AFF2: variants seen among roughly 807,000 people sequenced by gnomAD.
AFF2 encodes ALF transcription elongation factor 2.
A neutral mutation model predicts 76.9 loss-of-function variants in AFF2; 14 were observed. The observed-to-expected ratio is 0.18, with a 90% CI of 0.12 to 0.28. The LOEUF (loss-of-function observed/expected upper bound fraction) is 0.28, where lower values mean the gene tolerates loss of function less well. AFF2 is among the 10% of genes least tolerant of loss of function. The pLI is 1.00. For synonymous variants in AFF2, 398 were observed against 366.7 expected, an observed-to-expected ratio of 1.09 and a Z score of -0.98; for missense variants, 868 against 1,001.1, an observed-to-expected ratio of 0.87 and a Z score of 1.79.
chrX:148,614,631 T>TTC (rs1193082722), intron 1 of AFF2, among the ~76,000 whole-genome samples: 2 of 106,610 alleles, frequency 1.9e-5, no homozygotes, highest in Non-Finnish European at 3.9e-5. Flanking sequence ...CTTTCTTTCT[T>TTC]TCTCTCTCTC....
chrX:148,712,227 T>C (rs1303254683), intron 3 of AFF2, among the ~76,000 whole-genome samples: 4 of 111,983 alleles, frequency 3.6e-5, no homozygotes, highest in Admixed American at 1.9e-4. Flanking sequence ...TTTGGAAGTA[T>C]AGAATCTATG....
At chrX:148,565,976 C>T (rs1557241587) in intron 1 of AFF2, among the ~76,000 whole-genome samples, 1 of 110,728 alleles carries the variant, frequency 9.0e-6, no homozygotes, top group East Asian at 2.8e-4. Flanking sequence ...TAAATATGTG[C>T]GTGTATAGTT....
intron 3 of AFF2, among the ~76,000 whole-genome samples, chrX:148,732,834 A>C (rs1473044726): frequency 9.0e-6 from 1 of 110,941 alleles, no homozygotes; most frequent in African/African-American, 3.3e-5. Context: ...TTTATGAGCA[A>C]AAGGCCCATA....
chrX:148,932,624 A>G (rs1366467203), intron 9 of AFF2, among the ~76,000 whole-genome samples: 1 of 111,875 alleles, frequency 8.9e-6, no homozygotes, highest in Non-Finnish European at 1.9e-5. Context: ...CATTATTCCT[A>G]TCTCTTCAAA....
intron 3 of AFF2, among the ~76,000 whole-genome samples, chrX:148,678,176 G>T (rs1307093743): frequency 8.9e-6 from 1 of 111,901 alleles, no homozygotes; most frequent in Admixed American, 9.5e-5. Flanking sequence ...GAGATTTTGA[G>T]ATCTGAAAGC....
chrX:148,911,373 A>G (rs2071467415), intron 9 of AFF2, among the ~76,000 whole-genome samples: 2 of 111,730 alleles, frequency 1.8e-5, no homozygotes, highest in Admixed American at 9.5e-5. Context: ...TCTTGTATAC[A>G]TGCACATCAC....
At chrX:148,582,854 C>G (rs1347910179) in intron 1 of AFF2, among the ~76,000 whole-genome samples, 4 of 112,106 alleles carry the variant, frequency 3.6e-5, no homozygotes, top group Non-Finnish European at 7.5e-5. Context: ...TGTCTATCAA[C>G]TGGTGAGTTC....
intron 1 of AFF2, among the ~76,000 whole-genome samples, chrX:148,602,014 G>A (rs1045293891): frequency 8.9e-6 from 1 of 112,007 alleles, no homozygotes; most frequent in African/African-American, 3.2e-5. Context: ...GAATTAAAAA[G>A]CCTTGGCTAC....
chrX:148,819,134 G>C (rs1230009641), intron 4 of AFF2, among the ~76,000 whole-genome samples: 1 of 111,185 alleles, frequency 9.0e-6, no homozygotes, highest in Admixed American at 9.6e-5. Flanking sequence ...AGATAATGAT[G>C]TGGAAGTACT....
At chrX:148,509,913 G>A (rs1557232935) in intron 1 of AFF2, among the ~76,000 whole-genome samples, 1 of 111,524 alleles carries the variant, frequency 9.0e-6, no homozygotes, top group African/African-American at 3.3e-5. Flanking sequence ...CTGGGAAGCT[G>A]CTAGTGAGCA....
intron 3 of AFF2, among the ~76,000 whole-genome samples, chrX:148,797,739 A>G (rs1173415867): frequency 8.9e-6 from 1 of 111,979 alleles, no homozygotes; most frequent in Non-Finnish European, 1.9e-5. Flanking sequence ...GATTTCCAGG[A>G]TAGCCCTGAT....
intron 9 of AFF2, among the ~76,000 whole-genome samples, chrX:148,951,248 G>A (rs1456358895): frequency 8.1e-5 from 9 of 111,151 alleles, no homozygotes; most frequent in Non-Finnish European, 1.7e-4. Context: ...TGAGGAATAA[G>A]TTGATTTTGG....
In AFF2 at chrX:148,955,715, C is replaced by A; in HGVS notation, c.1670C>A (p.Ser557Tyr). Residue 557 changes from serine to tyrosine, a missense_variant, in exon 11 of 21, where the codon TCT (serine) becomes TAT (tyrosine). Physicochemically the swap from Ser to Tyr is moderately radical, Grantham distance 144. Coordinates refer to ENST00000370460, the MANE Select transcript of AFF2 (RefSeq NM_002025.4). ...GQNETPMETI[S>Y]LPPPIIQPME... is the part of the protein sequence containing the mutation. ...AATGAAACACCCATGGAGACTATTT[C>A]TCTGCCTCCTCCAATCATCCAACCA... 1 of 1,211,606 alleles carries A rather than the reference C, an allele frequency of 8.3e-7. No individual in the cohort carries two copies. The highest frequency in any genetic ancestry group is 1.1e-6 in the Non-Finnish European group (1 of 895,419).
Position 149,000,371 on chromosome X carries a change from T to C in AFF2, c.*9039T>C, listed in dbSNP as rs1198733048. On this transcript the variant is annotated 3_prime_UTR_variant, in exon 21 of 21. Coordinates refer to ENST00000370460, the MANE Select transcript of AFF2 (RefSeq NM_002025.4). ...AAATCAATCAATTAATGAAATGTTA[T>C]CTGGTTTTTAAAAGCTGGTTTCATG... 1 of 112,872 alleles carries C rather than the reference T, an allele frequency of 8.9e-6. No individual in the cohort carries two copies. The highest frequency in any genetic ancestry group is 1.9e-5 in the Non-Finnish European group (1 of 53,382). 9.3% of individuals were successfully genotyped at this position (112,872 alleles called of 1,213,427 possible).
chrX:148,905,704 C>T (rs1260499442), intron 9 of AFF2, among the ~76,000 whole-genome samples: 3 of 112,701 alleles, frequency 2.7e-5, no homozygotes, highest in Admixed American at 9.3e-5. Context: ...CTCCAAGCTC[C>T]AGCCCTCCCA....
At chrX:148,947,842 T>C (rs782181308) in intron 9 of AFF2, among the ~76,000 whole-genome samples, 3 of 112,542 alleles carry the variant, frequency 2.7e-5, no homozygotes, top group Non-Finnish European at 5.6e-5. Context: ...AATTACCTAA[T>C]AGACATTTTA....
At chrX:148,505,680 C>T (rs1024897538) in intron 1 of AFF2, among the ~76,000 whole-genome samples, 5 of 111,630 alleles carry the variant, frequency 4.5e-5, no homozygotes, top group Non-Finnish European at 9.4e-5. Context: ...AAATGGCCTT[C>T]TCTGGAACAA....
chrX:148,602,301 C>G (rs948390112), intron 1 of AFF2, among the ~76,000 whole-genome samples: 6 of 111,595 alleles, frequency 5.4e-5, no homozygotes. Context: ...AGATATTGTA[C>G]AGCCTGGCAG....
At chrX:148,812,257 C>A (rs1193814143) in intron 4 of AFF2, among the ~76,000 whole-genome samples, 1 of 111,329 alleles carries the variant, frequency 9.0e-6, no homozygotes, top group Non-Finnish European at 1.9e-5. Context: ...ACCTCATTCC[C>A]CATAAACCCC....
Sources: allele counts gnomAD v4.1 joint callset (sites outside exome capture counted in the v4.1 genomes callset), GRCh38; gene constraint gnomAD v4.1.1; transcripts MANE v1.5; gene names NCBI Gene and HGNC (gene_info 2026-07-23, HGNC 2026-07-21).